Variants in EBF1 observed in about 807,000 individuals in gnomAD.
The protein encoded by EBF1 is transcription factor COE1.
Under a neutral mutation model 68.4 loss-of-function variants are expected in EBF1, and 10 were observed. The ratio of observed to expected loss-of-function variants is 0.15; its 90% CI spans 0.09 to 0.25. EBF1 has a LOEUF of 0.25. Ranked by LOEUF, EBF1 falls within the 10% of genes least tolerant of loss-of-function variation. The pLI, the probability that EBF1 is intolerant of heterozygous loss-of-function variation, is 1.00. For synonymous variants in EBF1, 298 were observed against 299.8 expected, an observed-to-expected ratio of 0.99 and a Z score of 0.06; for missense variants, 509 against 794.4, an observed-to-expected ratio of 0.64 and a Z score of 4.32.
chr5:158,984,644 C>G (rs977811323), intron 6 of EBF1: 1 of 150,542 alleles, frequency 6.6e-6, no homozygotes, highest in African/African-American at 2.4e-5. Context: ...TGGCAGGCAA[C>G]AGCGTCCAGC....
At chr5:159,058,285 A>G (rs1392623615) in intron 6 of EBF1, among the ~76,000 whole-genome samples, 1 of 152,236 alleles carries the variant, frequency 6.6e-6, no homozygotes, top group African/African-American at 2.4e-5. Flanking sequence ...TGTTTTGTTA[A>G]TGAATAAAGA....
At chr5:159,025,357 G>A (rs1767505206) in intron 6 of EBF1, among the ~76,000 whole-genome samples, 1 of 152,202 alleles carries the variant, frequency 6.6e-6, no homozygotes, top group African/African-American at 2.4e-5. Context: ...CTGTTGATGT[G>A]TCCAAGTAAG....
intron 7 of EBF1, 61 bp downstream of exon 7, chr5:158,839,968 T>G: frequency 1.3e-6 from 2 of 1,545,938 alleles, no homozygotes; most frequent in East Asian, 2.2e-5. Flanking sequence ...CCTAAGACTT[T>G]TTTATCCTCT....
intron 6 of EBF1, among the ~76,000 whole-genome samples, chr5:158,913,991 C>A (rs1806586141): frequency 6.6e-6 from 1 of 152,112 alleles, no homozygotes. Context: ...ATCATTAAGA[C>A]CAGATATCAA....
intron 10 of EBF1, among the ~76,000 whole-genome samples, chr5:158,764,669 C>T (rs1248837837): frequency 2.6e-5 from 4 of 152,108 alleles, no homozygotes; most frequent in African/African-American, 9.7e-5. Flanking sequence ...ACTACATGTA[C>T]TCAAAGTGTC....
intron 6 of EBF1, among the ~76,000 whole-genome samples, chr5:158,989,692 C>A (rs1759869657): frequency 6.6e-6 from 1 of 152,138 alleles, no homozygotes. Flanking sequence ...CACTCTTACT[C>A]CCCTTTCTCA....
chr5:159,018,065 G>T (rs1457025977), intron 6 of EBF1, among the ~76,000 whole-genome samples: 2 of 149,050 alleles, frequency 1.3e-5, no homozygotes, highest in African/African-American at 5.0e-5. Context: ...ACCTCCCATC[G>T]CTAACCCCAC....
intron 15 of EBF1, among the ~76,000 whole-genome samples, chr5:158,699,904 A>G (rs573429551): frequency 3.3e-5 from 5 of 152,254 alleles, no homozygotes; most frequent in Non-Finnish European, 7.3e-5. Flanking sequence ...TGTTGAAAGC[A>G]TTCAAAGCTA....
intron 8 of EBF1, among the ~76,000 whole-genome samples, chr5:158,807,950 G>A (rs1051346792): frequency 2.0e-5 from 3 of 152,166 alleles, no homozygotes; most frequent in Admixed American, 6.5e-5. Flanking sequence ...TGTGCTTTTC[G>A]GAATAGTTCT....
At chr5:158,913,022 G>C (rs1806359561) in intron 6 of EBF1, among the ~76,000 whole-genome samples, 1 of 152,192 alleles carries the variant, frequency 6.6e-6, no homozygotes, top group South Asian at 2.1e-4. Flanking sequence ...CATTCAAGAG[G>C]GCCTTTTTCT....
In EBF1 at chr5:158,714,150, T is replaced by A. The variant is rs769858589; in HGVS notation, c.1158A>T (p.Val386=). Residue 386 remains valine (V), a synonymous_variant, in exon 12 of 16, where the codon GTA becomes GTT. Transcript: ENST00000313708. ...EVILKRAADL[V]EALYGMPHNN... is the part of the protein sequence containing the mutation. Reference sequence around the variant, plus strand: ...TGTGTGGCATCCCATACAGTGCTTCTACCAGATCCGCAGCCCTTTTGAGTA... The same window carrying A: ...TGTGTGGCATCCCATACAGTGCTTCAACCAGATCCGCAGCCCTTTTGAGTA... 1 of 1,614,128 alleles carries A rather than the reference T, an allele frequency of 6.2e-7. No individual in the cohort carries two copies. Among genetic ancestry groups the A allele is most frequent in the South Asian group, 1.1e-5 (1 of 91,088 alleles).
chr5:158,704,566 C>T (rs6883772), intron 15 of EBF1, among the ~76,000 whole-genome samples: 94,513 of 151,878 alleles, frequency 0.62, 30,474 homozygotes, highest in East Asian at 0.95. Context: ...AAAGGAAAAA[C>T]GTGGAATAGA....
intron 6 of EBF1, among the ~76,000 whole-genome samples, chr5:158,945,092 A>C (rs971478769): frequency 3.3e-5 from 5 of 152,116 alleles, no homozygotes; most frequent in African/African-American, 1.2e-4. Context: ...CCCATTTGTC[A>C]ATGTTGGCTT....
chr5:158,891,442 G>A (rs1801165631), intron 6 of EBF1, among the ~76,000 whole-genome samples: 1 of 151,978 alleles, frequency 6.6e-6, no homozygotes, highest in Admixed American at 6.6e-5. Flanking sequence ...TTCCCTGCAA[G>A]CAAAAAATAA....
chr5:158,755,173 TG>T (rs1378098485), intron 10 of EBF1, among the ~76,000 whole-genome samples: 25 of 147,840 alleles, frequency 1.7e-4, no homozygotes, highest in Non-Finnish European at 4.6e-5. Flanking sequence ...TTTATTGTTT[TG>T]TTTTTTTTTC....
intron 5 of EBF1, among the ~76,000 whole-genome samples, chr5:159,074,864 T>C (rs542655961): frequency 2.0e-5 from 3 of 152,352 alleles, no homozygotes; most frequent in South Asian, 2.1e-4. Flanking sequence ...AGTTCTGCTA[T>C]ATACTGCTAC....
chr5:158,852,044 G>A (rs1162623053), intron 6 of EBF1, among the ~76,000 whole-genome samples: 7 of 52,010 alleles, frequency 1.3e-4, no homozygotes, highest in African/African-American at 5.0e-4. Flanking sequence ...GGTGGGGAGG[G>A]GAGGAGAGGG....
At chr5:159,011,559 G>A (rs1257490579) in intron 6 of EBF1, among the ~76,000 whole-genome samples, 1 of 152,214 alleles carries the variant, frequency 6.6e-6, no homozygotes. Context: ...TCAGCAGAAT[G>A]GAAGCGGGTG....
At chr5:158,871,750 C>T (rs1796907659) in intron 6 of EBF1, among the ~76,000 whole-genome samples, 1 of 152,216 alleles carries the variant, frequency 6.6e-6, no homozygotes, top group Non-Finnish European at 1.5e-5. Flanking sequence ...AGTGGATTTG[C>T]TCAATGACGC....
Sources: allele counts gnomAD v4.1 joint callset (sites outside exome capture counted in the v4.1 genomes callset), GRCh38; gene constraint gnomAD v4.1.1; transcripts MANE v1.5; gene names NCBI Gene and HGNC (gene_info 2026-07-23, HGNC 2026-07-21).